The following WWTR1 variants were observed in gnomAD, a reference collection of about 807,000 sequenced individuals.
WWTR1 encodes the protein WW domain-containing transcription regulator protein 1.
WWTR1 carries 13 observed loss-of-function variants against 40.1 expected under a neutral mutation model. That is an observed-to-expected ratio of 0.32 (90% CI 0.21 to 0.52). The LOEUF is 0.52. Among genes scored for constraint, WWTR1 ranks in the 20% least tolerant of loss-of-function variants. WWTR1 has a pLI of 0.97. For synonymous variants in WWTR1, 230 were observed against 210.1 expected (o/e 1.09, Z -0.82); for missense variants, 436 against 523.1 (o/e 0.83, Z 1.63).
chr3:149,645,129 G>T (rs1445142473), intron 2 of WWTR1, among the ~76,000 whole-genome samples: 1 of 105,568 alleles, frequency 9.5e-6, no homozygotes, highest in Non-Finnish European at 2.1e-5. Context: ...GCCCAGGCTG[G>T]AGTGCAGTGG....
chr3:149,676,923 T>TC, intron 1 of WWTR1, among the ~76,000 whole-genome samples: 1 of 124,078 alleles, frequency 8.1e-6, no homozygotes, highest in East Asian at 3.1e-4. Context: ...CTTGAGACTC[T>TC]TTTTTTTTTT....
intron 6 of WWTR1, chr3:149,525,753 G>A (rs1487352743): frequency 3.9e-5 from 10 of 257,628 alleles, no homozygotes; most frequent in East Asian, 2.0e-4. Context: ...ACAGACACTC[G>A]GGACTACTGG....
chr3:149,521,046 G>A, intron 6 of WWTR1, 57 bp from the exon 7 acceptor site: 1 of 1,507,886 alleles, frequency 6.6e-7, no homozygotes, highest in Non-Finnish European at 8.9e-7. Context: ...CTTGAAGGAG[G>A]AACAGTTCAA....
chr3:149,532,449 G>A (rs972212475), intron 4 of WWTR1, among the ~76,000 whole-genome samples: 11 of 152,138 alleles, frequency 7.2e-5, no homozygotes, highest in African/African-American at 2.7e-4. Context: ...TAAACAAGGA[G>A]AGGTTTATAA....
In WWTR1 at chr3:149,601,508, A is replaced by T. The variant is rs150434944; in HGVS notation, c.432-28508T>A. The stretch of plus-strand genomic sequence containing the variant: ...GCACCACACCCAGCCAAGTGGATGC[A>T]TATTTCAAACAAAGCACCCAAAAAT... On this transcript the variant is annotated intron_variant, in intron 2 of 6. Coordinates refer to ENST00000360632, the MANE Select transcript of WWTR1 (RefSeq NM_015472.6). Among the ~76,000 whole-genome samples the T allele has an allele frequency of 4.9e-3, 742 of 152,288 alleles. 6 individuals are homozygous for T. The highest frequency in any genetic ancestry group is 0.017 in the African/African-American group (712 of 41,566).
chr3:149,565,928 CAAA>C (rs58536558), intron 3 of WWTR1, among the ~76,000 whole-genome samples: 8 of 73,462 alleles, frequency 1.1e-4, no homozygotes, highest in Admixed American at 2.6e-4. Flanking sequence ...AACTCTGTCT[CAAA>C]AAAAAAAAAA....
intron 2 of WWTR1, chr3:149,576,179 T>G: frequency 2.2e-6 from 1 of 446,034 alleles, no homozygotes. Flanking sequence ...TGCGCTAACA[T>G]GGTGTCAAGA....
At chr3:149,666,511 A>C (rs1296503637) in intron 2 of WWTR1, among the ~76,000 whole-genome samples, 1 of 152,246 alleles carries the variant, frequency 6.6e-6, no homozygotes, top group Non-Finnish European at 1.5e-5. Context: ...ATGATTGAAG[A>C]CATCTCAATC....
intron 1 of WWTR1, among the ~76,000 whole-genome samples, chr3:149,672,658 T>A (rs1334501532): frequency 3.3e-5 from 5 of 152,148 alleles, no homozygotes. Context: ...TTTCAATTAG[T>A]TCATGTATCT....
At chr3:149,642,502 A>G (rs7637419) in intron 2 of WWTR1, among the ~76,000 whole-genome samples, 1,751 of 149,568 alleles carry the variant, frequency 0.012, 29 homozygotes, top group African/African-American at 0.041. Flanking sequence ...CCGGCCGGGC[A>G]CGGTGGCTCA....
chr3:149,557,061 CTTTTTTTTTTT>C (rs3044118), intron 3 of WWTR1, among the ~76,000 whole-genome samples: 21 of 64,376 alleles, frequency 3.3e-4, no homozygotes, highest in Admixed American at 9.5e-4. Context: ...CTGGAATCTT[CTTTTTTTTTTT>C]TTTTTTTTTT....
At chr3:149,527,513 A>C (rs1735377044) in intron 5 of WWTR1, among the ~76,000 whole-genome samples, 1 of 152,188 alleles carries the variant, frequency 6.6e-6, no homozygotes, top group Non-Finnish European at 1.5e-5. Flanking sequence ...CCTGTTGGTT[A>C]CATAAAACCA....
chr3:149,594,533 C>G (rs1738884708), intron 2 of WWTR1, among the ~76,000 whole-genome samples: 1 of 151,890 alleles, frequency 6.6e-6, no homozygotes, highest in African/African-American at 2.4e-5. Context: ...AAATTTTAAC[C>G]TAATTTAATC....
intron 1 of WWTR1, among the ~76,000 whole-genome samples, chr3:149,686,640 A>G (rs1158896633): frequency 2.0e-5 from 3 of 152,178 alleles, no homozygotes; most frequent in African/African-American, 7.2e-5. Context: ...ACACACACCT[A>G]AACCAATGCT....
At chr3:149,713,390 T>A (rs569494919) in intron 5 of WWTR1, among the ~76,000 whole-genome samples, 2 of 152,234 alleles carry the variant, frequency 1.3e-5, no homozygotes, top group East Asian at 3.9e-4. Context: ...TTTTTGTTTT[T>A]ATTTTTTTGA....
chr3:149,710,567 G>GC (rs1268882455), intron 5 of WWTR1, among the ~76,000 whole-genome samples: 146 of 30,278 alleles, frequency 4.8e-3, no homozygotes, highest in Middle Eastern at 0.036. Context: ...CATTATCCCC[G>GC]CCTCCCCCCC....
At chr3:149,708,000 T>C (rs1715373986), upstream of WWTR1, among the ~76,000 whole-genome samples, 1 of 152,148 alleles carries the variant, frequency 6.6e-6, no homozygotes, top group South Asian at 2.1e-4. Context: ...TCCTTTGTCC[T>C]AACCAGTGCC....
chr3:149,550,938 A>G (rs1736593126), intron 3 of WWTR1, among the ~76,000 whole-genome samples: 1 of 144,856 alleles, frequency 6.9e-6, no homozygotes, highest in African/African-American at 2.6e-5. Flanking sequence ...TTTCTTTAAA[A>G]AGCTTGCTTC....
At chr3:149,645,374 T>C (rs568483245) in intron 2 of WWTR1, among the ~76,000 whole-genome samples, 70 of 152,162 alleles carry the variant, frequency 4.6e-4, no homozygotes, top group Non-Finnish European at 9.3e-4. Context: ...CCACCACGCC[T>C]GGCCCCAGGC....
Sources: gnomAD v4.1 joint callset for allele counts (sites outside exome capture counted in the v4.1 genomes callset) on GRCh38, gnomAD v4.1.1 for gene constraint, MANE v1.5 for transcripts, NCBI Gene and HGNC (gene_info 2026-07-23, HGNC 2026-07-21) for gene names.